The following USP48 variants were observed in gnomAD, a reference collection of about 807,000 sequenced individuals.
USP48 encodes the protein ubiquitin specific peptidase 48.
In USP48, 43 loss-of-function variants were observed where a neutral mutation model predicts 150.7. That is an observed-to-expected ratio of 0.29 (90% CI 0.22 to 0.37). The LOEUF (loss-of-function observed/expected upper bound fraction) is 0.37, where lower values mean the gene tolerates loss of function less well. Among genes scored for constraint, USP48 ranks in the 10% least tolerant of loss-of-function variants. The pLI, the probability that USP48 is intolerant of heterozygous loss-of-function variation, is 1.00. For missense variants in USP48, 813 were observed against 1,249.6 expected (o/e 0.65, Z 5.27); for synonymous variants, 396 against 425.9 (o/e 0.93, Z 0.86).
At chr1:21,699,192 A>ATTT (rs71016932) in intron 22 of USP48, among the ~76,000 whole-genome samples, 42 of 63,634 alleles carry the variant, frequency 6.6e-4, no homozygotes, top group Non-Finnish European at 1.1e-3. Flanking sequence ...ACCACACCTA[A>ATTT]TTTTTTTTTT....
intron 22 of USP48, among the ~76,000 whole-genome samples, chr1:21,699,817 C>T (rs1419445094): frequency 6.8e-6 from 1 of 147,592 alleles, no homozygotes; most frequent in Non-Finnish European, 1.5e-5. Context: ...CGCCTGGCCA[C>T]ACACACACAC....
At chr1:21,708,936 G>A (rs1251053864) in intron 15 of USP48, among the ~76,000 whole-genome samples, 5 of 148,548 alleles carry the variant, frequency 3.4e-5, no homozygotes, top group Non-Finnish European at 7.4e-5. Flanking sequence ...AGAAAACAGA[G>A]TCTCATTCTG....
At chr1:21,691,180 G>A (rs377559826) in intron 23 of USP48, among the ~76,000 whole-genome samples, 1 of 151,948 alleles carries the variant, frequency 6.6e-6, no homozygotes, top group Admixed American at 6.6e-5. Flanking sequence ...TGAGTATGGT[G>A]GCACATGCCT....
intron 22 of USP48, among the ~76,000 whole-genome samples, chr1:21,701,024 C>T (rs2097654083): frequency 1.4e-5 from 2 of 144,972 alleles, no homozygotes; most frequent in South Asian, 4.4e-4. Flanking sequence ...GAGATTGTGC[C>T]ACTGTACTCC....
At chr1:21,721,589 TG>T in intron 13 of USP48, 60 bp downstream of exon 13, 2 of 1,030,792 alleles carry the variant, frequency 1.9e-6, no homozygotes. Flanking sequence ...ACGAGATGCT[TG>T]GTTATGACCT....
chr1:21,746,329 A>G (rs545834412), intron 8 of USP48, among the ~76,000 whole-genome samples: 3 of 152,238 alleles, frequency 2.0e-5, no homozygotes, highest in South Asian at 2.1e-4. Flanking sequence ...GCAAAACCCT[A>G]AAGTGCAAAA....
chr1:21,729,261 G>A (rs1264593070), intron 10 of USP48, among the ~76,000 whole-genome samples: 2 of 144,162 alleles, frequency 1.4e-5, no homozygotes, highest in African/African-American at 2.6e-5. Flanking sequence ...CAGCCTGGGC[G>A]AAAGAATGAG....
At chr1:21,752,491 A>G (rs770171017) in intron 5 of USP48, 36 bp downstream of exon 5, 1 of 1,602,236 alleles carries the variant, frequency 6.2e-7, no homozygotes, top group Non-Finnish European at 8.5e-7. Context: ...CTGTCTTAGA[A>G]TAAAATGTAC....
At chr1:21,724,221 T>C in intron 11 of USP48, 126 bp from the exon 12 acceptor site, 3 of 969,034 alleles carry the variant, frequency 3.1e-6, no homozygotes, top group Non-Finnish European at 4.8e-6. Context: ...AGAATCATTG[T>C]CTGGGGGAAG....
chr1:21,679,425 CAAG>C lies in USP48; in HGVS notation c.3097_3099del (p.Leu1033del). On this transcript the variant is annotated inframe_deletion, in exon 27 of 27. Coordinates refer to ENST00000308271, the MANE Select transcript of USP48 (RefSeq NM_032236.8). ...CAGCAAGTATTCAAAGATTAATGTC[CAAG>C]AAGACCAGTACCTGGGAAAAGAAAC... 6.2e-7 allele frequency: 1 copy of C among 1,614,016 alleles called. No individual in the cohort carries two copies. Among genetic ancestry groups the C allele is most frequent in the Non-Finnish European group, 8.5e-7 (1 of 1,180,008 alleles).
chr1:21,736,178 AG>A (rs1363249752), intron 9 of USP48, among the ~76,000 whole-genome samples: 1 of 152,162 alleles, frequency 6.6e-6, no homozygotes, highest in Non-Finnish European at 1.5e-5. Context: ...AGGCTGAGGC[AG>A]GAAGATCACT....
chr1:21,778,612 A>AG (rs2097906296), intron 1 of USP48, among the ~76,000 whole-genome samples: 2 of 150,196 alleles, frequency 1.3e-5, no homozygotes, highest in Admixed American at 1.3e-4. Flanking sequence ...AAAAAAAAAA[A>AG]AAAAAAAAAA....
At chr1:21,686,756 T>G (rs1215730728) in intron 25 of USP48, 1 of 167,310 alleles carries the variant, frequency 6.0e-6, no homozygotes, top group Non-Finnish European at 1.3e-5. Flanking sequence ...GAGGTCCAGG[T>G]GGAGATGGGG....
At chr1:21,706,613 C>T in intron 16 of USP48, 24 bp from the exon 17 acceptor site, 1 of 1,614,086 alleles carries the variant, frequency 6.2e-7, no homozygotes, top group Non-Finnish European at 8.5e-7. Flanking sequence ...AAGCAATCAA[C>T]TGTCTCCTGC....
chr1:21,758,347 A>G (rs2097842095), intron 1 of USP48, among the ~76,000 whole-genome samples: 1 of 152,180 alleles, frequency 6.6e-6, no homozygotes, highest in South Asian at 2.1e-4. Flanking sequence ...AGAAATATAT[A>G]AGGAAAATAT....
chr1:21,774,180 A>AAAT (rs57694769), intron 1 of USP48, among the ~76,000 whole-genome samples: 27,929 of 140,886 alleles, frequency 0.2, 2,901 homozygotes, highest in African/African-American at 0.28. Context: ...CTCCGTCTCA[A>AAAT]AATAATAATA....
intron 24 of USP48, among the ~76,000 whole-genome samples, chr1:21,689,457 A>G (rs1055898208): frequency 6.6e-6 from 1 of 152,030 alleles, no homozygotes; most frequent in Non-Finnish European, 1.5e-5. Context: ...ACAACCCAAT[A>G]TCACTCCCTT....
chr1:21,679,434 C>A lies in USP48; in HGVS notation c.3091G>T (p.Gly1031Cys), dbSNP rs551252073. The A allele has an allele frequency of 6.2e-6, 10 of 1,614,018 alleles. No homozygotes were observed. The Admixed American group carries it at 1.7e-4, about 27-fold the overall frequency. The stretch of plus-strand genomic sequence containing the variant: ...TTCAAAGATTAATGTCCAAGAAGAC[C>A]AGTACCTGGGAAAAGAAACACACGT... ...CMPEEGFKGT[G>C]LLGH is the part of the protein sequence containing the mutation. Residue 1031 changes from glycine (G) to cysteine (C), a missense_variant, in exon 27 of 27, where the codon GGT becomes TGT. By Grantham distance (159) the Gly-to-Cys change is radical (BLOSUM62 -3). Transcript: ENST00000308271.
At chr1:21,746,542 T>C (rs2097794951) in intron 8 of USP48, among the ~76,000 whole-genome samples, 1 of 152,212 alleles carries the variant, frequency 6.6e-6, no homozygotes, top group Non-Finnish European at 1.5e-5. Context: ...AGACTCAACC[T>C]GTTTGGTAGG....
Sources: gnomAD v4.1 joint callset for allele counts (sites outside exome capture counted in the v4.1 genomes callset) on GRCh38, gnomAD v4.1.1 for gene constraint, MANE v1.5 for transcripts, NCBI Gene and HGNC (gene_info 2026-07-23, HGNC 2026-07-21) for gene names.